The following SLC24A4 variants were observed in gnomAD, a reference collection of about 807,000 sequenced individuals.
SLC24A4 encodes sodium/potassium/calcium exchanger 4.
Under a neutral mutation model 79.0 loss-of-function variants are expected in SLC24A4, and 53 were observed. The ratio of observed to expected loss-of-function variants is 0.67; its 90% CI spans 0.54 to 0.84. The LOEUF is 0.84. Among genes scored for constraint, SLC24A4 ranks in the 40% least tolerant of loss-of-function variants. The probability of loss-of-function intolerance (pLI) is 0.00; values close to 1 mark genes in which losing one functional copy is unlikely to be tolerated. For missense variants in SLC24A4, 731 were observed against 822.0 expected (o/e 0.89, Z 1.35); for synonymous variants, 323 against 323.8 (o/e 1.00, Z 0.03).
chr14:92,363,306 G>A (rs1021307615), intron 2 of SLC24A4, among the ~76,000 whole-genome samples: 5 of 152,196 alleles, frequency 3.3e-5, no homozygotes, highest in Admixed American at 1.3e-4. Flanking sequence ...AATACTGTGC[G>A]GGGTACCCAC....
intron 11 of SLC24A4, among the ~76,000 whole-genome samples, chr14:92,454,470 CTTCA>C (rs1490919252): frequency 6.6e-6 from 1 of 152,192 alleles, no homozygotes; most frequent in Non-Finnish European, 1.5e-5. Context: ...ACCTCTGGGG[CTTCA>C]TTTTCACTCT....
chr14:92,420,292 C>T (rs2141817676), intron 2 of SLC24A4, among the ~76,000 whole-genome samples: 1 of 152,206 alleles, frequency 6.6e-6, no homozygotes, highest in South Asian at 2.1e-4. Context: ...CTAGCCTGGC[C>T]AATATGGTGA....
chr14:92,464,269 C>T (rs1444271299), intron 12 of SLC24A4, among the ~76,000 whole-genome samples: 1 of 152,088 alleles, frequency 6.6e-6, no homozygotes, highest in Non-Finnish European at 1.5e-5. Context: ...AAACTGAGAA[C>T]CGGAGAGGAC....
Position 92,498,425 on chromosome 14 carries a change from T to G in SLC24A4, c.*4797T>G, listed in dbSNP as rs1289073566. On this transcript the variant is annotated 3_prime_UTR_variant, in exon 17 of 17. Coordinates refer to ENST00000532405, the MANE Select transcript of SLC24A4 (RefSeq NM_153646.4). ...ACAGCCTTTACCAGCCCGGCTTGTGTGGGGGGCCCCTTCGCCTTGCTGCAA... is the reference window on the plus strand; with the variant it reads ...ACAGCCTTTACCAGCCCGGCTTGTGGGGGGGGCCCCTTCGCCTTGCTGCAA... The G allele has an allele frequency of 2.0e-5, 3 of 151,908 alleles. No homozygotes were observed. The highest frequency in any genetic ancestry group is 2.0e-4 in the Admixed American group (3 of 15,244). 9.4% of individuals were successfully genotyped at this position (151,908 alleles called of 1,614,324 possible).
Position 92,447,396 on chromosome 14 carries a change from T to C in SLC24A4, c.709T>C (p.Leu237=), listed in dbSNP as rs1299786555. The C allele has an allele frequency of 2.3e-5, 37 of 1,614,040 alleles. No homozygotes were observed. The highest frequency in any genetic ancestry group is 3.0e-5 in the Non-Finnish European group (35 of 1,180,024). ...GTGGGAAGGCCTGGTGCTCATCATC[T>C]TGTATGTGTTTTATATTCTGATCAT... The part of the protein sequence containing the change: ...VWWEGLVLII[L]YVFYILIMKY... The change falls in exon 9 of 17, where the codon TTG becomes CTG. Residue 237 remains leucine, a synonymous_variant. Transcript: ENST00000532405.
chr14:92,480,000 AATGTTCATAGTG>A (rs1894969933), intron 12 of SLC24A4, among the ~76,000 whole-genome samples: 1 of 152,148 alleles, frequency 6.6e-6, no homozygotes, highest in South Asian at 2.1e-4. Flanking sequence ...TTATTTTTGT[AATGTTCATAGTG>A]ATGTCCCTGT....
chr14:92,492,312 C>T (rs779210362), intron 16 of SLC24A4, 72 bp downstream of exon 16: 7 of 1,432,884 alleles, frequency 4.9e-6, no homozygotes, highest in African/African-American at 1.4e-5. Flanking sequence ...TCGTCACTTA[C>T]GTGACTCTGT....
intron 3 of SLC24A4, among the ~76,000 whole-genome samples, chr14:92,438,616 TCAAA>T (rs370273278): frequency 3.0e-4 from 45 of 152,118 alleles, no homozygotes; most frequent in African/African-American, 1.1e-3. Flanking sequence ...AGACCCTGTC[TCAAA>T]CAAAAAAGGA....
At chr14:92,388,698 C>A (rs892210976) in intron 2 of SLC24A4, among the ~76,000 whole-genome samples, 2 of 152,198 alleles carry the variant, frequency 1.3e-5, no homozygotes, top group African/African-American at 4.8e-5. Context: ...ATGTCCTCAC[C>A]CATCTGTTTG....
intron 6 of SLC24A4, 77 bp from the exon 7 acceptor site, chr14:92,443,320 CGGG>C: frequency 7.4e-7 from 1 of 1,354,318 alleles, no homozygotes; most frequent in Non-Finnish European, 1.0e-6. Context: ...CCCTGCACTG[CGGG>C]GGGAGGAGGC....
intron 2 of SLC24A4, among the ~76,000 whole-genome samples, chr14:92,341,262 G>A (rs1886125207): frequency 1.3e-5 from 2 of 152,188 alleles, no homozygotes; most frequent in Admixed American, 1.3e-4. Context: ...CATGAAGGTT[G>A]CTGACCTTGC....
At chr14:92,422,750 A>G (rs190136294) in intron 2 of SLC24A4, among the ~76,000 whole-genome samples, 4 of 152,332 alleles carry the variant, frequency 2.6e-5, no homozygotes, top group East Asian at 1.9e-4. Context: ...TGTGTTGCCA[A>G]CTGGTGACTA....
At chr14:92,478,421 GA>G (rs1894885907) in intron 12 of SLC24A4, among the ~76,000 whole-genome samples, 1 of 152,074 alleles carries the variant, frequency 6.6e-6, no homozygotes, top group South Asian at 2.1e-4. Flanking sequence ...GAATTGTCTT[GA>G]TACTCTTGTC....
At chr14:92,355,203 G>A (rs1190283382) in intron 2 of SLC24A4, among the ~76,000 whole-genome samples, 5 of 152,210 alleles carry the variant, frequency 3.3e-5, no homozygotes, top group South Asian at 2.1e-4. Context: ...GCCTCAATTC[G>A]CTGAGAGGTG....
In SLC24A4 at chr14:92,353,316, G is replaced by A. The variant is rs1886992233; in HGVS notation, c.241+27338G>A. Among the ~76,000 whole-genome samples the A allele has an allele frequency of 6.6e-6, 1 of 152,200 alleles. No individual in the cohort carries two copies. Among genetic ancestry groups the A allele is most frequent in the Admixed American group, 6.5e-5 (1 of 15,292 alleles). ...CATCTACATAGTATTCTATTGTGCG[G>A]ATGTGCTATGATCTATTTAACTCAT... On this transcript the variant is annotated intron_variant, in intron 2 of 16. Transcript: ENST00000532405. The surrounding 1 kb of genome is among the most constrained non-coding windows in gnomAD (Gnocchi z 4.1).
intron 16 of SLC24A4, chr14:92,492,993 C>T (rs970346128): frequency 2.1e-5 from 8 of 379,994 alleles, no homozygotes; most frequent in South Asian, 3.9e-5. Context: ...CACACACACA[C>T]ACACACACAC....
intron 2 of SLC24A4, among the ~76,000 whole-genome samples, chr14:92,396,574 T>A (rs1889791471): frequency 6.6e-6 from 1 of 152,190 alleles, no homozygotes; most frequent in South Asian, 2.1e-4. Context: ...AACCTACGAA[T>A]GTGACTTTCT....
intron 2 of SLC24A4, among the ~76,000 whole-genome samples, chr14:92,347,199 C>T (rs944762619): frequency 6.6e-6 from 1 of 152,180 alleles, no homozygotes; most frequent in African/African-American, 2.4e-5. Flanking sequence ...TACGCCTTAG[C>T]CAGTGTGGTC....
chr14:92,347,823 A>G (rs1480439924), intron 2 of SLC24A4, among the ~76,000 whole-genome samples: 1 of 152,158 alleles, frequency 6.6e-6, no homozygotes, highest in East Asian at 1.9e-4. Context: ...GCTACTCAGG[A>G]GGCTGAGGCA....
Sources: gnomAD v4.1 joint callset for allele counts (sites outside exome capture counted in the v4.1 genomes callset) on GRCh38, gnomAD v4.1.1 for gene constraint, Gnocchi (gnomAD v3.1) non-coding constraint, MANE v1.5 for transcripts, NCBI Gene and HGNC (gene_info 2026-07-23, HGNC 2026-07-21) for gene names.